The following CXXC4 variants were observed in gnomAD, a reference collection of about 807,000 sequenced individuals.
CXXC4 encodes the protein CXXC finger protein 4.
In CXXC4, 5 loss-of-function variants were observed where a neutral mutation model predicts 20.5. That is an observed-to-expected ratio of 0.24 (90% CI 0.13 to 0.51). The LOEUF (loss-of-function observed/expected upper bound fraction) is 0.51. Among genes scored for constraint, CXXC4 ranks in the 20% least tolerant of loss-of-function variants. CXXC4 has a pLI of 0.97. For synonymous variants in CXXC4, 250 were observed against 216.4 expected, an observed-to-expected ratio of 1.16 and a Z score of -1.36; for missense variants, 419 against 496.4, an observed-to-expected ratio of 0.84 and a Z score of 1.48.
chr4:104,475,633 A>G (rs924998484), intron 2 of CXXC4, among the ~76,000 whole-genome samples: 5 of 152,094 alleles, frequency 3.3e-5, no homozygotes, highest in Non-Finnish European at 5.9e-5. Flanking sequence ...TTGTAAGAAG[A>G]CTTCTTTTTA....
At chr4:104,474,651 A>T (rs1736357930) in intron 2 of CXXC4, among the ~76,000 whole-genome samples, 1 of 152,094 alleles carries the variant, frequency 6.6e-6, no homozygotes, top group Non-Finnish European at 1.5e-5. Flanking sequence ...ACGAAAAATA[A>T]ACATGTGCAT....
chr4:104,490,810 C>G lies in CXXC4; in HGVS notation c.993G>C (p.Thr331=), dbSNP rs556281831. Residue 331 remains threonine, a synonymous_variant, in exon 2 of 3, where the codon ACG becomes ACC. Transcript: ENST00000394767. ...TTCTAAATTTGCAGATCTGGTGTCCCGTTTTGCGGTTCCTGCAACTGCTGC... is the reference window on the plus strand; with the variant it reads ...TTCTAAATTTGCAGATCTGGTGTCCGGTTTTGCGGTTCCTGCAACTGCTGC... ...GVCSSCRNRK[T]GHQICKFRKC... is the part of the protein sequence containing the mutation. 1 of 1,614,176 alleles carries G rather than the reference C, an allele frequency of 6.2e-7. No individual in the cohort carries two copies. Among genetic ancestry groups the G allele is most frequent in the African/African-American group, 1.3e-5 (1 of 75,042 alleles).
chr4:104,491,464 GCCGCCC>G lies in CXXC4; in HGVS notation c.333_338del (p.Gly133_Gly134del), dbSNP rs1295871345. 10 of 833,796 alleles carry G rather than the reference GCCGCCC, an allele frequency of 1.2e-5. No homozygotes were observed. Among genetic ancestry groups the G allele is most frequent in the Middle Eastern group, 5.1e-4 (1 of 1,964 alleles). The allele number at this position is 833,796 out of a possible 1,614,324, so 51.6% of individuals were successfully genotyped here. On this transcript the variant is annotated inframe_deletion, in exon 2 of 3. Transcript: ENST00000394767. ...CGCCGCCGCCGCCACCCCCCCCGCC[GCCGCCC>G]CCGCCCCCGCCGCTGCCCCAGAGCA...
At chr4:104,490,667 G>A (rs1736821701) in intron 2 of CXXC4, 77 bp downstream of exon 2, 6 of 1,305,856 alleles carry the variant, frequency 4.6e-6, no homozygotes, top group Non-Finnish European at 6.4e-6. Flanking sequence ...CTTGAAGCCA[G>A]ACAAGAATCC....
intron 2 of CXXC4, among the ~76,000 whole-genome samples, chr4:104,480,081 C>T (rs1168010332): frequency 1.3e-5 from 2 of 151,974 alleles, no homozygotes; most frequent in African/African-American, 2.4e-5. Context: ...ACTACTATAA[C>T]ATCATGGTAG....
intron 2 of CXXC4, 52 bp downstream of exon 2, chr4:104,490,692 G>A: frequency 6.9e-7 from 1 of 1,451,442 alleles, no homozygotes; most frequent in Non-Finnish European, 9.5e-7. Flanking sequence ...AGGGGAGAGG[G>A]AGTGAGGAGG....
rs892188992 is a variant in CXXC4, at chr4:104,468,642, T to C, written c.*3680A>G. ...TGTGAAAATGGAATCCCTCCTAATA[T>C]AGTAGCTGTCTTTTATTCACTAGGA... On this transcript the variant is annotated 3_prime_UTR_variant, in exon 3 of 3. Coordinates refer to ENST00000394767, the MANE Select transcript of CXXC4 (RefSeq NM_025212.4). The C allele has an allele frequency of 1.3e-5, 2 of 151,574 alleles. No individual in the cohort carries two copies. Among genetic ancestry groups the C allele is most frequent in the Non-Finnish European group, 2.9e-5 (2 of 67,878 alleles). The allele number at this position is 151,574 out of a possible 1,614,324, so 9.4% of individuals were successfully genotyped here. A position where few individuals can be genotyped will look rare whatever the true frequency, so the allele number is the denominator to read the frequency against.
intron 1 of CXXC4, among the ~76,000 whole-genome samples, chr4:104,494,027 T>C (rs544871281): frequency 1.4e-4 from 22 of 152,272 alleles, no homozygotes; most frequent in African/African-American, 5.1e-4. Flanking sequence ...GCTTTTCTGA[T>C]TGCCATCACC....
At chr4:104,472,466 A>G in intron 2 of CXXC4, 100 bp from the exon 3 acceptor site, 2 of 720,548 alleles carry the variant, frequency 2.8e-6, no homozygotes, top group Admixed American at 2.5e-5. Context: ...TTAGTTACCA[A>G]TGTACAACAT....
chr4:104,482,562 C>T (rs1736583075), intron 2 of CXXC4, among the ~76,000 whole-genome samples: 1 of 152,084 alleles, frequency 6.6e-6, no homozygotes. Context: ...CTAATTTAAT[C>T]TATTTTTAAA....
rs1171281939 is a variant in CXXC4, at chr4:104,491,121, T to C, written c.682A>G (p.Asn228Asp). 4 of 1,614,054 alleles carry C rather than the reference T, an allele frequency of 2.5e-6. No homozygotes were observed. Among genetic ancestry groups the C allele is most frequent in the Non-Finnish European group, 3.4e-6 (4 of 1,180,006 alleles). The change falls in exon 2 of 3, where the codon AAT (asparagine) becomes GAT (aspartate). Residue 228 changes from asparagine (N) to aspartate (D), a missense_variant. Transcript: ENST00000394767. ...KCGAAEAEIM[N>D]LPERVGTFSA... Reference sequence around the variant, plus strand: ...AAAGTCCCCACGCGCTCGGGGAGATTCATTATCTCTGCTTCAGCAGCGCCG... The same window carrying C: ...AAAGTCCCCACGCGCTCGGGGAGATCCATTATCTCTGCTTCAGCAGCGCCG...
At position 104,491,065 on chromosome 4, in the gene CXXC4, T is replaced by G; in HGVS notation, c.738A>C (p.Ser246=). The G allele has an allele frequency of 6.2e-7, 1 of 1,613,820 alleles. No homozygotes were observed. The highest frequency in any genetic ancestry group is 2.2e-5 in the East Asian group (1 of 44,790). The change falls in exon 2 of 3, where the codon TCA becomes TCC. Residue 246 remains serine (S), a synonymous_variant. Coordinates refer to ENST00000394767, the MANE Select transcript of CXXC4 (RefSeq NM_025212.4). ...TCATGACGATGACCCCTGGAGGTAA[T>G]GAGATGCCCCCTAAAGCCGGGATAG... is the stretch of plus-strand genomic sequence containing the variant. ...FSAIPALGGI[S]LPPGVIVMTA... is the part of the protein sequence containing the mutation.
At chr4:104,474,789 T>C (rs1165975920) in intron 2 of CXXC4, among the ~76,000 whole-genome samples, 1 of 152,136 alleles carries the variant, frequency 6.6e-6, no homozygotes, top group East Asian at 1.9e-4. Flanking sequence ...GATAAACATA[T>C]ATGTTTACGA....
chr4:104,491,516 G>GCGC lies in CXXC4; in HGVS notation c.286_287insGCG (p.Thr96delinsSerAla). ...GAGCATGGCGGTGGCGGCGGCGGCG[G>GCGC]TGGCCGCGTTGTCGCAGTTCCAGGG... On this transcript the variant is annotated protein_altering_variant, in exon 2 of 3. Transcript: ENST00000394767. 1 of 1,327,018 alleles carries GCGC rather than the reference G, an allele frequency of 7.5e-7. No individual in the cohort carries two copies. 82.2% of individuals were successfully genotyped at this position (1,327,018 alleles called of 1,614,324 possible). A position where few individuals can be genotyped will look rare whatever the true frequency, so the allele number is the denominator to read the frequency against.
chr4:104,491,314 G>GCCGCCGCCGCCGCCGCCA lies in CXXC4; in HGVS notation c.471_488dup (p.Gly160_Gly165dup). ...GGTGCATGCTGGTCCTGCTGCCGCC[G>GCCGCCGCCGCCGCCGCCA]CCGCCGCCGCCGCCGCCACCGCCGG... On this transcript the variant is annotated inframe_insertion, in exon 2 of 3. Coordinates refer to ENST00000394767, the MANE Select transcript of CXXC4 (RefSeq NM_025212.4). 1 of 1,554,412 alleles carries GCCGCCGCCGCCGCCGCCA rather than the reference G, an allele frequency of 6.4e-7. No individual in the cohort carries two copies. The highest frequency in any genetic ancestry group is 1.2e-5 in the South Asian group (1 of 84,910).
At position 104,470,543 on chromosome 4, in the gene CXXC4, T is replaced by C. The variant is rs939132079; in HGVS notation, c.*1779A>G. 4 of 152,094 alleles carry C rather than the reference T, an allele frequency of 2.6e-5. No individual in the cohort carries two copies. Among genetic ancestry groups the C allele is most frequent in the Non-Finnish European group, 5.9e-5 (4 of 67,994 alleles). 9.4% of individuals were successfully genotyped at this position (152,094 alleles called of 1,614,324 possible). On this transcript the variant is annotated 3_prime_UTR_variant, in exon 3 of 3. Transcript: ENST00000394767. ...ATCTTTTCTGTCCTATCGTATCCCATTGAAATCTACAACTAAATTTTTAAA... is the reference window on the plus strand; with the variant it reads ...ATCTTTTCTGTCCTATCGTATCCCACTGAAATCTACAACTAAATTTTTAAA...
chr4:104,492,623 CCACA>C (rs1452664805), intron 1 of CXXC4, among the ~76,000 whole-genome samples: 2 of 152,072 alleles, frequency 1.3e-5, no homozygotes, highest in African/African-American at 4.8e-5. Context: ...AAGAGACTGC[CCACA>C]TACAATCTGA....
intron 2 of CXXC4, among the ~76,000 whole-genome samples, chr4:104,476,965 T>C (rs1256978272): frequency 2.6e-5 from 4 of 152,178 alleles, no homozygotes; most frequent in African/African-American, 7.2e-5. Context: ...CCACCTACTG[T>C]ATAACCTTTT....
chr4:104,470,153 AAAT>A lies in CXXC4; in HGVS notation c.*2166_*2168del, dbSNP rs1256445269. On this transcript the variant is annotated 3_prime_UTR_variant, in exon 3 of 3. Coordinates refer to ENST00000394767, the MANE Select transcript of CXXC4 (RefSeq NM_025212.4). ...ATTGGTAAACAAAAAACAAAAAATA[AAAT>A]AATGGAAAAGGAAAAAAAAAAAAAA... 3 of 132,576 alleles carry A rather than the reference AAAT, an allele frequency of 2.3e-5. No individual in the cohort carries two copies. The highest frequency in any genetic ancestry group is 3.3e-5 in the Non-Finnish European group (2 of 61,298). The allele number at this position is 132,576 out of a possible 1,614,324, so 8.2% of individuals were successfully genotyped here.
Sources: allele counts gnomAD v4.1 joint callset (sites outside exome capture counted in the v4.1 genomes callset), GRCh38; gene constraint gnomAD v4.1.1; transcripts MANE v1.5; gene names NCBI Gene and HGNC (gene_info 2026-07-23, HGNC 2026-07-21).